Variants in SLC4A4 observed in about 807,000 individuals in gnomAD.
SLC4A4 encodes electrogenic sodium bicarbonate cotransporter 1.
A neutral mutation model predicts 111.5 loss-of-function variants in SLC4A4; 27 were observed. The ratio of observed to expected loss-of-function variants is 0.24; its 90% confidence interval spans 0.18 to 0.33. The LOEUF is 0.33. SLC4A4 is among the 10% of genes least tolerant of loss of function. The pLI is 1.00. For missense variants in SLC4A4, 909 were observed against 1,315.5 expected (o/e 0.69, Z 4.78); for synonymous variants, 443 against 463.4 (o/e 0.96, Z 0.57).
chr4:71,240,943 C>G (rs1045745930), intron 2 of SLC4A4, among the ~76,000 whole-genome samples: 2 of 151,642 alleles, frequency 1.3e-5, no homozygotes, highest in Admixed American at 6.6e-5. Context: ...CATGGCAAAA[C>G]CCCATGTCTA....
intron 2 of SLC4A4, among the ~76,000 whole-genome samples, chr4:71,251,304 T>G (rs759246078): frequency 9.9e-5 from 15 of 152,218 alleles, no homozygotes; most frequent in Non-Finnish European, 1.9e-4. Context: ...TTGTAGCAAC[T>G]ATGAGAAGTA....
chr4:71,343,807 C>T (rs990286351), intron 4 of SLC4A4, among the ~76,000 whole-genome samples: 1 of 152,112 alleles, frequency 6.6e-6, no homozygotes, highest in Non-Finnish European at 1.5e-5. Context: ...ACCTTGTCTT[C>T]CTTTTCATTT....
intron 15 of SLC4A4, among the ~76,000 whole-genome samples, chr4:71,494,734 G>C (rs1222158320): frequency 6.6e-6 from 1 of 152,022 alleles, no homozygotes; most frequent in African/African-American, 2.4e-5. Context: ...GAGGGCAGTA[G>C]CAGTGAGATG....
At chr4:71,100,562 C>T (rs552032641) in intron 2 of SLC4A4, among the ~76,000 whole-genome samples, 31 of 152,244 alleles carry the variant, frequency 2.0e-4, no homozygotes, top group Admixed American at 9.2e-4. Context: ...TTTCCCACAA[C>T]ATCTATTCAA....
chr4:71,096,261 G>C (rs574956401), intron 2 of SLC4A4, among the ~76,000 whole-genome samples: 17 of 152,154 alleles, frequency 1.1e-4, no homozygotes, highest in African/African-American at 2.4e-4. Flanking sequence ...GAGGCTAAAG[G>C]GGGGAGGAAG....
At chr4:71,531,082 T>C (rs1334414667) in intron 16 of SLC4A4, among the ~76,000 whole-genome samples, 1 of 152,144 alleles carries the variant, frequency 6.6e-6, no homozygotes, top group African/African-American at 2.4e-5. Context: ...TCTTGTTGAA[T>C]GATTAAATTA....
intron 3 of SLC4A4, among the ~76,000 whole-genome samples, chr4:71,288,271 T>C (rs901542386): frequency 9.9e-5 from 15 of 152,212 alleles, no homozygotes; most frequent in Non-Finnish European, 1.9e-4. Flanking sequence ...TTTAGGCCTA[T>C]ATTTTGTAAG....
At chr4:71,149,606 T>G (rs770502525) in intron 2 of SLC4A4, among the ~76,000 whole-genome samples, 1 of 152,170 alleles carries the variant, frequency 6.6e-6, no homozygotes, top group Non-Finnish European at 1.5e-5. Context: ...TTCTCATCAT[T>G]TATGTGTTCA....
At chr4:71,090,986 G>A (rs1464551913) in intron 1 of SLC4A4, among the ~76,000 whole-genome samples, 1 of 152,102 alleles carries the variant, frequency 6.6e-6, no homozygotes, top group Non-Finnish European at 1.5e-5. Context: ...CTTCCCCTGT[G>A]GCCCAGTCTG....
At chr4:71,442,285 A>G (rs935806873) in intron 8 of SLC4A4, among the ~76,000 whole-genome samples, 1 of 152,156 alleles carries the variant, frequency 6.6e-6, no homozygotes, top group African/African-American at 2.4e-5. Flanking sequence ...TTCTTTTATA[A>G]TGGATGGTAG....
intron 7 of SLC4A4, among the ~76,000 whole-genome samples, chr4:71,433,770 A>G (rs2083859423): frequency 6.6e-6 from 1 of 152,122 alleles, no homozygotes; most frequent in Admixed American, 6.6e-5. Context: ...CATATTAAAC[A>G]ATCTCAAATA....
chr4:71,236,483 C>A, intron 1 of SLC4A4, 93 bp from the exon 2 acceptor site: 1 of 1,133,260 alleles, frequency 8.8e-7, no homozygotes, highest in Non-Finnish European at 1.3e-6. Flanking sequence ...TGAACAACAG[C>A]TTGCAGGTTA....
chr4:71,321,294 C>T (rs1189288443), intron 3 of SLC4A4, among the ~76,000 whole-genome samples: 2 of 152,138 alleles, frequency 1.3e-5, no homozygotes, highest in East Asian at 1.9e-4. Context: ...TTATTATTTA[C>T]TGAGAATGGA....
intron 6 of SLC4A4, among the ~76,000 whole-genome samples, chr4:71,373,021 T>G (rs1732027607): frequency 6.6e-6 from 1 of 152,188 alleles, no homozygotes; most frequent in Admixed American, 6.5e-5. Flanking sequence ...TTCAAAATCT[T>G]TTAACTTTTG....
At chr4:71,462,443 C>T (rs1023707351) in intron 12 of SLC4A4, among the ~76,000 whole-genome samples, 81 of 117,154 alleles carry the variant, frequency 6.9e-4, no homozygotes, top group African/African-American at 2.6e-3. Context: ...TTTTTTGAAA[C>T]TGTCGCCTAG....
At chr4:71,348,463 A>C (rs544545345) in intron 4 of SLC4A4, among the ~76,000 whole-genome samples, 85 of 152,204 alleles carry the variant, frequency 5.6e-4, no homozygotes, top group African/African-American at 2.0e-3. Context: ...TTGACTTTTT[A>C]ACCATGAGGT....
intron 1 of SLC4A4, among the ~76,000 whole-genome samples, chr4:71,087,994 T>C (rs1337173828): frequency 1.3e-5 from 2 of 151,866 alleles, no homozygotes; most frequent in African/African-American, 2.4e-5. Context: ...TGTCTAATGT[T>C]GACAGTGGGG....
chr4:71,501,929 C>T, intron 16 of SLC4A4, among the ~76,000 whole-genome samples: 1 of 151,826 alleles, frequency 6.6e-6, no homozygotes, highest in East Asian at 1.9e-4. Context: ...TCTCAAAGTG[C>T]TGGGATTACA....
chr4:71,264,581 T>C (rs924451617), intron 3 of SLC4A4, among the ~76,000 whole-genome samples: 2 of 152,126 alleles, frequency 1.3e-5, no homozygotes, highest in African/African-American at 4.8e-5. Flanking sequence ...CAATTTCTGT[T>C]ACCAAGGTAT....
Sources: gnomAD v4.1 joint callset for allele counts (sites outside exome capture counted in the v4.1 genomes callset) on GRCh38, gnomAD v4.1.1 for gene constraint, MANE v1.5 for transcripts, NCBI Gene and HGNC (gene_info 2026-07-23, HGNC 2026-07-21) for gene names.